ELOVL2: variants seen among roughly 807,000 people sequenced by gnomAD.
The protein encoded by ELOVL2 is very long chain fatty acid elongase 2.
A neutral mutation model predicts 37.7 loss-of-function variants in ELOVL2; 38 were observed. That is an observed-to-expected ratio of 1.01 (90% CI 0.78 to 1.32). ELOVL2 has a LOEUF of 1.32. ELOVL2 is among the 40% of genes most tolerant of loss of function. The pLI is 0.00. For missense variants in ELOVL2, 352 were observed against 363.6 expected (o/e 0.97, Z 0.26); for synonymous variants, 115 against 122.3 (o/e 0.94, Z 0.40).
intron 5 of ELOVL2, among the ~76,000 whole-genome samples, chr6:10,993,303 T>C (rs1442841916): frequency 6.6e-6 from 1 of 152,218 alleles, no homozygotes; most frequent in Non-Finnish European, 1.5e-5. Context: ...ATCTGAAATA[T>C]AAAGCAAGTC....
chr6:11,016,449 A>G (rs1449939354), intron 1 of ELOVL2, among the ~76,000 whole-genome samples: 1 of 152,216 alleles, frequency 6.6e-6, no homozygotes, highest in Non-Finnish European at 1.5e-5. Flanking sequence ...TCTTTTTTTA[A>G]CGTACATTTC....
chr6:11,022,121 G>A (rs546250744), intron 1 of ELOVL2, among the ~76,000 whole-genome samples: 44 of 152,314 alleles, frequency 2.9e-4, no homozygotes, highest in Non-Finnish European at 4.6e-4. Flanking sequence ...CACTGGGGGT[G>A]CCCTTGCAGT....
intron 1 of ELOVL2, among the ~76,000 whole-genome samples, chr6:11,021,176 A>G (rs1719139279): frequency 6.6e-6 from 1 of 152,204 alleles, no homozygotes. Context: ...TTCCAGGCAT[A>G]TCTAATTACT....
At chr6:10,992,730 G>A (rs1782185618) in intron 5 of ELOVL2, among the ~76,000 whole-genome samples, 1 of 150,180 alleles carries the variant, frequency 6.7e-6, no homozygotes, top group African/African-American at 2.4e-5. Context: ...AGAGGTTGCA[G>A]TGAGCCGGGA....
chr6:11,042,940 CT>C (rs58408204), intron 1 of ELOVL2, among the ~76,000 whole-genome samples: 6,949 of 152,248 alleles, frequency 0.046, 526 homozygotes, highest in African/African-American at 0.16. Flanking sequence ...AAATCTGTGT[CT>C]TCCTGAAACC....
At chr6:11,037,264 A>C (rs900498522) in intron 1 of ELOVL2, among the ~76,000 whole-genome samples, 10 of 150,904 alleles carry the variant, frequency 6.6e-5, no homozygotes, top group African/African-American at 2.4e-4. Flanking sequence ...GAGAGACGGC[A>C]TGAGTTAACT....
At position 10,982,672 on chromosome 6, in the gene ELOVL2, A is replaced by AT. The variant is rs1781960509; in HGVS notation, c.*1108dup. 1 of 152,220 alleles carries AT rather than the reference A, an allele frequency of 6.6e-6. No homozygotes were observed. The highest frequency in any genetic ancestry group is 2.4e-5 in the African/African-American group (1 of 41,544). The allele number at this position is 152,220 out of a possible 1,614,324, so 9.4% of individuals were successfully genotyped here. On this transcript the variant is annotated 3_prime_UTR_variant, in exon 8 of 8. Coordinates refer to ENST00000354666, the MANE Select transcript of ELOVL2 (RefSeq NM_017770.4). ...GGAGTGCTGAGTTTGCCAAACTGGC[A>AT]TTTTTTATCGTGGCTCATGACCGGC... is the stretch of plus-strand genomic sequence containing the variant.
At chr6:11,004,090 A>T (rs1782438015) in intron 3 of ELOVL2, among the ~76,000 whole-genome samples, 1 of 152,042 alleles carries the variant, frequency 6.6e-6, no homozygotes. Context: ...CTCAAAAAAA[A>T]AAAAAAGTTG....
At chr6:10,993,446 C>T (rs1782201217) in intron 5 of ELOVL2, among the ~76,000 whole-genome samples, 1 of 152,006 alleles carries the variant, frequency 6.6e-6, no homozygotes. Flanking sequence ...TTAACATAAC[C>T]ACATTTTCAT....
At chr6:11,013,100 C>A (rs1242403520) in intron 1 of ELOVL2, among the ~76,000 whole-genome samples, 1 of 152,170 alleles carries the variant, frequency 6.6e-6, no homozygotes, top group Non-Finnish European at 1.5e-5. Context: ...ATAGATAAAA[C>A]ACATTGAGGC....
chr6:10,996,924 C>T lies in ELOVL2; in HGVS notation c.334-1746G>A, dbSNP rs1241542759. Among the ~76,000 whole-genome samples the T allele has an allele frequency of 2.6e-5, 4 of 151,536 alleles. No homozygotes were observed. In the East Asian group the frequency reaches 7.8e-4, roughly 29 times the overall value. On this transcript the variant is annotated intron_variant, in intron 4 of 7. Transcript: ENST00000354666. ...AATCGGGAGGCTGAGGCAGAAGAAT[C>T]GCTTGAACCCAGGAGGCAGAGGTTG...
chr6:10,998,387 G>C (rs1399838344), intron 4 of ELOVL2, among the ~76,000 whole-genome samples: 1 of 151,924 alleles, frequency 6.6e-6, no homozygotes, highest in Admixed American at 6.6e-5. Flanking sequence ...CCTTTTCATC[G>C]ATTTGGAAAT....
intron 1 of ELOVL2, among the ~76,000 whole-genome samples, chr6:11,023,632 A>G (rs1782799808): frequency 6.6e-6 from 1 of 152,172 alleles, no homozygotes; most frequent in Non-Finnish European, 1.5e-5. Flanking sequence ...ACCAACCAAT[A>G]TGGGGATTTA....
At chr6:11,004,551 C>T (rs1782446925) in intron 3 of ELOVL2, among the ~76,000 whole-genome samples, 1 of 151,794 alleles carries the variant, frequency 6.6e-6, no homozygotes. Context: ...TGGTTTGGTG[C>T]TTCACAGAGG....
intron 4 of ELOVL2, among the ~76,000 whole-genome samples, chr6:10,997,475 G>T (rs1782290463): frequency 1.3e-5 from 2 of 152,118 alleles, no homozygotes; most frequent in Non-Finnish European, 2.9e-5. Flanking sequence ...TCCAAAGAAG[G>T]TCCATCTTCC....
At chr6:10,987,034 A>G (rs544212359) in intron 7 of ELOVL2, among the ~76,000 whole-genome samples, 2 of 152,132 alleles carry the variant, frequency 1.3e-5, no homozygotes, top group Non-Finnish European at 2.9e-5. Flanking sequence ...AGAGCCTGTT[A>G]CTGGTCTATT....
chr6:11,006,820 T>C (rs1782491070), intron 2 of ELOVL2, among the ~76,000 whole-genome samples: 1 of 152,258 alleles, frequency 6.6e-6, no homozygotes, highest in Non-Finnish European at 1.5e-5. Flanking sequence ...GTCTGTGCTG[T>C]GTGTCACTTC....
rs141152038 is a variant in ELOVL2 at position 11,028,625 on chromosome 6, G to T, written c.3+15603C>A. 5.3e-5 allele frequency among the ~76,000 whole-genome samples: 8 copies of T among 150,896 alleles called. No individual in the cohort carries two copies. The East Asian group carries it at 1.6e-3, about 29-fold the overall frequency. On this transcript the variant is annotated intron_variant, in intron 1 of 7. Transcript: ENST00000354666. ...TTTTCACTTTAAAATAATGTATCAA[G>T]AATTTTCTAATTGCCAGTTCAGAGT...
At chr6:10,988,041 C>T (rs138589750) in intron 7 of ELOVL2, among the ~76,000 whole-genome samples, 366 of 152,286 alleles carry the variant, frequency 2.4e-3, no homozygotes, top group African/African-American at 7.9e-3. Flanking sequence ...CTCTTCAACA[C>T]GAGGTACCAA....
Sources: gnomAD v4.1 joint callset for allele counts (sites outside exome capture counted in the v4.1 genomes callset) on GRCh38, gnomAD v4.1.1 for gene constraint, MANE v1.5 for transcripts, NCBI Gene and HGNC (gene_info 2026-07-23, HGNC 2026-07-21) for gene names.